The following MAST4 variants were observed in gnomAD, a reference collection of about 807,000 sequenced individuals.
The protein encoded by MAST4 is microtubule-associated serine/threonine-protein kinase 4.
MAST4 carries 89 observed loss-of-function variants against 162.7 expected under a neutral mutation model. That is an observed-to-expected ratio of 0.55 (90% CI 0.46 to 0.65). The LOEUF (loss-of-function observed/expected upper bound fraction) is 0.65. Among genes scored for constraint, MAST4 ranks in the 30% least tolerant of loss-of-function variants. The probability of loss-of-function intolerance (pLI) is 0.00; values close to 1 mark genes in which losing one functional copy is unlikely to be tolerated. For missense variants in MAST4, 3,153 were observed against 3,374.0 expected (o/e 0.93, Z 1.62); for synonymous variants, 1,479 against 1,361.1 (o/e 1.09, Z -1.91).
At chr5:66,951,908 C>T (rs745817910) in intron 4 of MAST4, among the ~76,000 whole-genome samples, 8 of 152,012 alleles carry the variant, frequency 5.3e-5, no homozygotes, top group Admixed American at 4.6e-4. Flanking sequence ...CCAAGCTGGA[C>T]GGTGTGCTAT....
chr5:66,884,609 GTGTTAA>G (rs1361432776), intron 3 of MAST4, among the ~76,000 whole-genome samples: 2 of 152,198 alleles, frequency 1.3e-5, no homozygotes, highest in African/African-American at 4.8e-5. Flanking sequence ...CTCATTGTAA[GTGTTAA>G]TGTTGTAATA....
At chr5:66,931,212 G>A (rs925420680) in intron 4 of MAST4, among the ~76,000 whole-genome samples, 1 of 152,122 alleles carries the variant, frequency 6.6e-6, no homozygotes, top group Non-Finnish European at 1.5e-5. Flanking sequence ...ACTTACCGAA[G>A]TATATAAAAT....
chr5:66,885,375 T>C (rs1286995113), intron 3 of MAST4, among the ~76,000 whole-genome samples: 4 of 152,196 alleles, frequency 2.6e-5, no homozygotes, highest in African/African-American at 7.2e-5. Flanking sequence ...AAAGGTAGAC[T>C]GAGAAAAATA....
intron 1 of MAST4, among the ~76,000 whole-genome samples, chr5:66,753,464 G>T (rs1370539719): frequency 1.3e-5 from 2 of 151,372 alleles, no homozygotes; most frequent in Non-Finnish European, 2.9e-5. Flanking sequence ...AATGATAAAG[G>T]GGATATCACC....
intron 16 of MAST4, among the ~76,000 whole-genome samples, chr5:67,132,488 A>G (rs935563084): frequency 6.6e-6 from 1 of 151,902 alleles, no homozygotes; most frequent in African/African-American, 2.4e-5. Context: ...TAGTTTCTTT[A>G]TTTGGTGTCA....
intron 4 of MAST4, among the ~76,000 whole-genome samples, chr5:66,921,883 T>A (rs1049507597): frequency 6.6e-6 from 1 of 152,348 alleles, no homozygotes; most frequent in Non-Finnish European, 1.5e-5. Flanking sequence ...TTAAATAATA[T>A]TATCTTCTTG....
Position 67,071,256 on chromosome 5 carries a change from GAAATA to G in MAST4, c.763+16781_763+16785del, listed in dbSNP as rs201272316. On this transcript the variant is annotated intron_variant, in intron 5 of 28. Coordinates refer to ENST00000403625, the MANE Select transcript of MAST4 (RefSeq NM_001164664.2). ...CAAACAACCGAAACTATCTGAACAG[GAAATA>G]AAATAAAATAAAATAATTGCTAACA... Among the ~76,000 whole-genome samples the G allele has an allele frequency of 1.6e-3, 245 of 152,108 alleles. 1 individual carries two copies. The highest frequency in any genetic ancestry group is 4.2e-3 in the Admixed American group (64 of 15,268).
intron 4 of MAST4, chr5:66,931,034 T>C (rs1742139504): frequency 5.3e-6 from 1 of 189,278 alleles, no homozygotes; most frequent in Non-Finnish European, 1.1e-5. Context: ...ATGAAGATTT[T>C]CTTGGAGGAC....
At chr5:67,022,337 C>G (rs142176940) in intron 4 of MAST4, among the ~76,000 whole-genome samples, 1 of 151,948 alleles carries the variant, frequency 6.6e-6, no homozygotes, top group East Asian at 1.9e-4. Context: ...GAGGTGCCTT[C>G]CAAGTTTGTG....
chr5:66,679,468 A>G (rs1485700551), intron 1 of MAST4, among the ~76,000 whole-genome samples: 1 of 152,184 alleles, frequency 6.6e-6, no homozygotes, highest in Non-Finnish European at 1.5e-5. Context: ...CTTCTGTGTC[A>G]GAGTACTTTG....
rs1288608776 is a variant in MAST4 at position 67,142,431 on chromosome 5, G to A, written c.2628G>A (p.Glu876=). The change falls in exon 21 of 29, where the codon GAG becomes GAA. Residue 876 remains glutamate (E), a synonymous_variant. Coordinates refer to ENST00000403625, the MANE Select transcript of MAST4 (RefSeq NM_001164664.2). ...DDTSYFDTRS[E]KYHHMETEEE... ...AACATTTCACTGCAGCTCGGTCTGAGAAGTATCATCATATGGAAACGGAGG... is the reference window on the plus strand; with the variant it reads ...AACATTTCACTGCAGCTCGGTCTGAAAAGTATCATCATATGGAAACGGAGG... 2 of 1,597,298 alleles carry A rather than the reference G, an allele frequency of 1.3e-6. No homozygotes were observed. The highest frequency in any genetic ancestry group is 2.7e-5 in the African/African-American group (2 of 74,694).
At chr5:67,025,721 T>C (rs6449841) in intron 4 of MAST4, among the ~76,000 whole-genome samples, 4,545 of 152,306 alleles carry the variant, frequency 0.03, 234 homozygotes, top group African/African-American at 0.1. Flanking sequence ...TCATCAGTTA[T>C]GTTTAGCTAG....
chr5:66,819,924 G>A (rs1756912979), intron 3 of MAST4, among the ~76,000 whole-genome samples: 1 of 150,986 alleles, frequency 6.6e-6, no homozygotes, highest in South Asian at 2.1e-4. Context: ...CAGGCACACA[G>A]CACCATACCC....
intron 4 of MAST4, among the ~76,000 whole-genome samples, chr5:66,949,282 C>A (rs538913927): frequency 4.3e-4 from 65 of 152,254 alleles, no homozygotes; most frequent in African/African-American, 1.5e-3. Context: ...CCTGTGTCCC[C>A]ACCCAGATCT....
rs955284988 is a variant in MAST4, at chr5:67,164,816, C to G, written c.5637C>G (p.Pro1879=). 1 of 1,614,018 alleles carries G rather than the reference C, an allele frequency of 6.2e-7. No individual in the cohort carries two copies. The highest frequency in any genetic ancestry group is 8.5e-7 in the Non-Finnish European group (1 of 1,179,892). Residue 1879 remains proline (P), a synonymous_variant, in exon 29 of 29, where the codon CCC becomes CCG. Transcript: ENST00000403625. The surrounding 1 kb of genome is among the most constrained non-coding windows in gnomAD (Gnocchi z 5.3). The part of the protein sequence containing the change: ...SYLLEPWFLP[P]SRGLQNSPAV... ...TGCTGGAGCCTTGGTTCCTGCCCCC[C>G]AGCCGAGGTCTCCAGAATTCACCAG...
chr5:66,883,926 A>G (rs1308530328), intron 3 of MAST4, among the ~76,000 whole-genome samples: 2 of 152,150 alleles, frequency 1.3e-5, no homozygotes, highest in Non-Finnish European at 2.9e-5. Flanking sequence ...CGTTGCTGCA[A>G]TCTTGCAAGT....
intron 4 of MAST4, chr5:67,005,132 C>A: frequency 2.8e-6 from 2 of 724,060 alleles, no homozygotes; most frequent in South Asian, 2.9e-5. Flanking sequence ...CTTTCACTTC[C>A]CAGGGGCCCA....
chr5:66,937,715 TC>T (rs1742911636), intron 4 of MAST4, among the ~76,000 whole-genome samples: 1 of 152,186 alleles, frequency 6.6e-6, no homozygotes, highest in Non-Finnish European at 1.5e-5. Context: ...GTTGAGGTTC[TC>T]CCTTCATGCT....
At chr5:67,018,540 C>T (rs1753594832) in intron 4 of MAST4, among the ~76,000 whole-genome samples, 1 of 151,952 alleles carries the variant, frequency 6.6e-6, no homozygotes, top group Non-Finnish European at 1.5e-5. Context: ...TTTGATACTA[C>T]ATAGATGAAA....
Sources: gnomAD v4.1 joint callset for allele counts (sites outside exome capture counted in the v4.1 genomes callset) on GRCh38, gnomAD v4.1.1 for gene constraint, Gnocchi (gnomAD v3.1) non-coding constraint, MANE v1.5 for transcripts, NCBI Gene and HGNC (gene_info 2026-07-23, HGNC 2026-07-21) for gene names.